Variants in DMGDH observed in about 807,000 individuals in gnomAD.
DMGDH encodes the protein dimethylglycine dehydrogenase, mitochondrial.
DMGDH carries 76 observed loss-of-function variants against 95.2 expected under a neutral mutation model. The observed-to-expected ratio is 0.80, with a 90% CI of 0.66 to 0.97. The LOEUF is 0.97. Among genes scored for constraint, DMGDH ranks in the 50% least tolerant of loss-of-function variants. The pLI is 0.00. For synonymous variants in DMGDH, 345 were observed against 377.6 expected (o/e 0.91, Z 1.00); for missense variants, 987 against 1,055.0 (o/e 0.94, Z 0.89).
At chr5:79,046,755 C>A (rs2112652020) in intron 5 of DMGDH, among the ~76,000 whole-genome samples, 1 of 152,166 alleles carries the variant, frequency 6.6e-6, no homozygotes, top group South Asian at 2.1e-4. Flanking sequence ...TATAGTAAAG[C>A]CACATATTCT....
chr5:79,027,927 G>A (rs557802020), intron 12 of DMGDH, among the ~76,000 whole-genome samples: 10 of 147,216 alleles, frequency 6.8e-5, no homozygotes, highest in Admixed American at 2.8e-4. Context: ...TACAACCTCC[G>A]CCTCCCGAGT....
chr5:79,038,340 C>T (rs1004698363), intron 7 of DMGDH, among the ~76,000 whole-genome samples: 1 of 151,922 alleles, frequency 6.6e-6, no homozygotes, highest in African/African-American at 2.4e-5. Context: ...AAAAATTATC[C>T]AGGTATGGTG....
chr5:79,056,895 T>G (rs1755049084), intron 2 of DMGDH, among the ~76,000 whole-genome samples: 1 of 152,032 alleles, frequency 6.6e-6, no homozygotes, highest in African/African-American at 2.4e-5. Flanking sequence ...TGGCATACAA[T>G]GTGGATTCAA....
intron 14 of DMGDH, among the ~76,000 whole-genome samples, chr5:79,014,821 G>C (rs796409390): frequency 2.6e-5 from 4 of 152,120 alleles, no homozygotes; most frequent in Non-Finnish European, 5.9e-5. Flanking sequence ...GTAAATGTCA[G>C]AGTCACAATT....
At chr5:79,060,009 G>T (rs1462052421) in intron 2 of DMGDH, among the ~76,000 whole-genome samples, 1 of 152,144 alleles carries the variant, frequency 6.6e-6, no homozygotes, top group Non-Finnish European at 1.5e-5. Flanking sequence ...CCATGTCATG[G>T]TATACGGAAG....
At chr5:79,030,211 A>G (rs1471101023) in intron 10 of DMGDH, among the ~76,000 whole-genome samples, 177 bp from the exon 11 acceptor site, 2 of 152,232 alleles carry the variant, frequency 1.3e-5, no homozygotes, top group African/African-American at 4.8e-5. Context: ...GAAGTTCTCC[A>G]TTTAAACAAT....
chr5:79,033,785 A>G (rs1418297570), intron 7 of DMGDH, among the ~76,000 whole-genome samples: 4 of 152,154 alleles, frequency 2.6e-5, no homozygotes, highest in Admixed American at 6.5e-5. Flanking sequence ...TTAAAAAATT[A>G]TCTCGGCATG....
Position 79,002,508 on chromosome 5 carries a change from C to G in DMGDH, c.2385+2765G>C, listed in dbSNP as rs144585136. Among the ~76,000 whole-genome samples the G allele has an allele frequency of 8.7e-3, 1,327 of 152,254 alleles. 25 individuals carry two copies. The highest frequency in any genetic ancestry group is 0.031 in the African/African-American group (1,275 of 41,550). On this transcript the variant is annotated intron_variant, in intron 15 of 15. Transcript: ENST00000255189. Reference sequence around the variant, plus strand: ...ATGCAATATACTTTATTTATTTTGTCCATTGTCTGTCTCTCCCTCCTCTGG... The same window carrying G: ...ATGCAATATACTTTATTTATTTTGTGCATTGTCTGTCTCTCCCTCCTCTGG...
At chr5:79,026,248 A>C (rs1475278317) in intron 13 of DMGDH, among the ~76,000 whole-genome samples, 176 bp downstream of exon 13, 1 of 152,234 alleles carries the variant, frequency 6.6e-6, no homozygotes, top group Non-Finnish European at 1.5e-5. Context: ...AATTCCACTG[A>C]ACTTTCACTT....
intron 5 of DMGDH, among the ~76,000 whole-genome samples, chr5:79,046,597 G>A (rs935701887): frequency 1.3e-5 from 2 of 152,108 alleles, no homozygotes; most frequent in African/African-American, 4.8e-5. Flanking sequence ...ATGTTGCCCA[G>A]GCTGGTCTTG....
At chr5:79,030,284 T>C (rs1201199111) in intron 10 of DMGDH, among the ~76,000 whole-genome samples, 1 of 152,192 alleles carries the variant, frequency 6.6e-6, no homozygotes, top group Non-Finnish European at 1.5e-5. Context: ...CAATTTTAAG[T>C]TCCCATCGAA....
At position 79,055,839 on chromosome 5, in the gene DMGDH, A is replaced by G. The variant is rs1755014918; in HGVS notation, c.346T>C (p.Tyr116His). The change falls in exon 3 of 16, where the codon TAT (tyrosine) becomes CAT (histidine). Residue 116 changes from tyrosine to histidine, a missense_variant. Transcript: ENST00000255189. ...CCAGTTTCTTCTTCCAGTTTCTCAT[A>G]AAGTTTGATGCTATCATAATGTATT... The part of the protein sequence containing the change: ...KKIHYDSIKL[Y>H]EKLEEETGQV... 20 of 1,611,330 alleles carry G rather than the reference A, an allele frequency of 1.2e-5. No individual in the cohort carries two copies. The East Asian group carries it at 2.7e-4, about 22-fold the overall frequency.
intron 5 of DMGDH, among the ~76,000 whole-genome samples, chr5:79,050,264 AAAAAAAAAAATATATAT>A (rs71001147): frequency 0.037 from 2,023 of 55,336 alleles, 33 homozygotes; most frequent in African/African-American, 0.071. Context: ...AAAAAAAAAA[AAAAAAAAAAATATATAT>A]ATATATATAT....
chr5:79,021,105 G>A (rs893673731), intron 14 of DMGDH: 2 of 986,166 alleles, frequency 2.0e-6, no homozygotes, highest in African/African-American at 1.7e-5. Context: ...AGCGTTTTTA[G>A]TTAAGAAGAT....
At chr5:79,018,058 AT>A (rs1753772636) in intron 14 of DMGDH, among the ~76,000 whole-genome samples, 1 of 152,158 alleles carries the variant, frequency 6.6e-6, no homozygotes. Flanking sequence ...AATTATTATT[AT>A]TTTTTTGAGG....
chr5:79,001,887 A>G (rs1456410588), intron 15 of DMGDH, among the ~76,000 whole-genome samples: 2 of 152,212 alleles, frequency 1.3e-5, no homozygotes, highest in African/African-American at 4.8e-5. Flanking sequence ...TCTCCAGGGA[A>G]ATGTTTTCCC....
intron 7 of DMGDH, 140 bp from the exon 8 acceptor site, chr5:79,033,548 C>G: frequency 9.7e-7 from 1 of 1,025,908 alleles, no homozygotes; most frequent in Non-Finnish European, 1.5e-6. Flanking sequence ...CTCTATGGAA[C>G]AATTTTTTCC....
rs376005733 is a variant in DMGDH, at chr5:79,011,390, A to G, written c.2251-5983T>C. 1.5e-4 allele frequency among the ~76,000 whole-genome samples: 23 copies of G among 152,336 alleles called. 1 individual carries two copies. Among genetic ancestry groups the G allele is most frequent in the African/African-American group, 5.5e-4 (23 of 41,574 alleles). On this transcript the variant is annotated intron_variant, in intron 14 of 15. Transcript: ENST00000255189. ...CTCAACTCTTGGTTCCTTTTCCACT[A>G]TTCAGAGCTTCTTAACATTCCACAT...
At chr5:79,028,099 C>T (rs1167122576) in intron 12 of DMGDH, among the ~76,000 whole-genome samples, 2 of 152,086 alleles carry the variant, frequency 1.3e-5, no homozygotes, top group East Asian at 3.9e-4. Context: ...CTCAGCCTCC[C>T]AAAGTGCTGG....
Sources: gnomAD v4.1 joint callset for allele counts (sites outside exome capture counted in the v4.1 genomes callset) on GRCh38, gnomAD v4.1.1 for gene constraint, MANE v1.5 for transcripts, NCBI Gene and HGNC (gene_info 2026-07-23, HGNC 2026-07-21) for gene names.